Variants in SOD2 observed in about 807,000 individuals in gnomAD.
SOD2 encodes the protein superoxide dismutase [Mn], mitochondrial.
SOD2 carries 11 observed loss-of-function variants against 27.0 expected under a neutral mutation model. The observed-to-expected ratio is 0.41, with a 90% CI of 0.26 to 0.67. The LOEUF is 0.67. Among genes scored for constraint, SOD2 ranks in the 30% least tolerant of loss-of-function variants. The probability of loss-of-function intolerance (pLI) is 0.34; values close to 1 mark genes in which losing one functional copy is unlikely to be tolerated. For synonymous variants in SOD2, 105 were observed against 103.0 expected (o/e 1.02, Z -0.12); for missense variants, 250 against 274.5 (o/e 0.91, Z 0.63).
rs544116161 is a variant in SOD2 at position 159,738,880 on chromosome 6, A to G, written c.-116+6250T>C. On this transcript the variant is annotated intron_variant, in intron 1 of 3. Transcript: ENST00000537657. Reference sequence around the variant, plus strand: ...AAATACTTTTTCAAAAAATCATAATATGTACTGAGCCGTTTAAATCTCACA... The same window carrying G: ...AAATACTTTTTCAAAAAATCATAATGTGTACTGAGCCGTTTAAATCTCACA... 3.1e-4 allele frequency: 222 copies of G among 705,452 alleles called. No individual in the cohort carries two copies. In the African/African-American group the frequency reaches 3.4e-3, roughly 11 times the overall value. 43.7% of individuals were successfully genotyped at this position (705,452 alleles called of 1,614,324 possible). A position where few individuals can be genotyped will look rare whatever the true frequency, so the allele number is the denominator to read the frequency against.
rs1432248221 is a variant in SOD2, at chr6:159,669,179, A to C, written c.*13314T>G. ...TAAAAGGCGTTCTGTCGGAATTATC[A>C]TGCACTGTGGTGGAAAGAACACTAA... is the stretch of plus-strand genomic sequence containing the variant. On this transcript the variant is annotated 3_prime_UTR_variant, in exon 5 of 5. Transcript: ENST00000538183. The C allele has an allele frequency of 1.3e-5, 2 of 152,204 alleles. No homozygotes were observed. Among genetic ancestry groups the C allele is most frequent in the Non-Finnish European group, 2.9e-5 (2 of 68,032 alleles). 9.4% of individuals were successfully genotyped at this position (152,204 alleles called of 1,614,324 possible). A position where few individuals can be genotyped will look rare whatever the true frequency, so the allele number is the denominator to read the frequency against.
chr6:159,743,515 G>A, intron 1 of SOD2: 1 of 669,602 alleles, frequency 1.5e-6, no homozygotes, highest in African/African-American at 1.8e-5. Context: ...GAGCTCTCGT[G>A]ACCAGGAAGA....
At chr6:159,746,064 T>C (rs1448057037), upstream of SOD2, among the ~76,000 whole-genome samples, 1 of 152,142 alleles carries the variant, frequency 6.6e-6, no homozygotes, top group Admixed American at 6.5e-5. Context: ...CAGCATTCCC[T>C]CCTCCTTCCC....
intron 1 of SOD2, among the ~76,000 whole-genome samples, chr6:159,715,361 T>C (rs1206724450): frequency 6.6e-6 from 1 of 152,114 alleles, no homozygotes; most frequent in Non-Finnish European, 1.5e-5. Context: ...GTAGAACCAT[T>C]GCTTAAGGCC....
At chr6:159,684,430 A>G (rs1780092282) in intron 4 of SOD2, among the ~76,000 whole-genome samples, 1 of 151,860 alleles carries the variant, frequency 6.6e-6, no homozygotes, top group Non-Finnish European at 1.5e-5. Flanking sequence ...CAGCCTGGCC[A>G]ACATGGTGAA....
At chr6:159,736,327 T>G in intron 1 of SOD2, 2 of 1,576,556 alleles carry the variant, frequency 1.3e-6, no homozygotes, top group Middle Eastern at 1.7e-4. Context: ...TTTTTTGTTT[T>G]GTTTTGGGTT....
intron 1 of SOD2, among the ~76,000 whole-genome samples, chr6:159,714,975 G>A (rs948347187): frequency 2.0e-5 from 3 of 151,956 alleles, no homozygotes; most frequent in African/African-American, 7.3e-5. Flanking sequence ...GTCAGTCCTT[G>A]GGTCCTGAAG....
At chr6:159,755,446 C>T in intron 1 of SOD2, 1 of 1,613,982 alleles carries the variant, frequency 6.2e-7, no homozygotes, top group Non-Finnish European at 8.5e-7. Flanking sequence ...TAGACTCTCC[C>T]ACGGGCAGTG....
intron 2 of SOD2, chr6:159,691,652 T>C (rs1412427168): frequency 1.3e-5 from 2 of 151,994 alleles, no homozygotes; most frequent in Middle Eastern, 3.4e-3. Flanking sequence ...AAACATAACA[T>C]TCCCATACAC....
At chr6:159,725,106 G>A (rs1778125150) in intron 1 of SOD2, among the ~76,000 whole-genome samples, 1 of 152,120 alleles carries the variant, frequency 6.6e-6, no homozygotes, top group Admixed American at 6.5e-5. Flanking sequence ...GCTCGCAGAA[G>A]GTCCTAAATC....
At chr6:159,705,885 C>G (rs2114813471) in intron 1 of SOD2, among the ~76,000 whole-genome samples, 1 of 152,300 alleles carries the variant, frequency 6.6e-6, no homozygotes, top group East Asian at 1.9e-4. Context: ...GGGTTACCCA[C>G]AAAGGGAAGC....
chr6:159,750,175 C>A, upstream of SOD2, among the ~76,000 whole-genome samples: 1 of 152,152 alleles, frequency 6.6e-6, no homozygotes, highest in Non-Finnish European at 1.5e-5. Flanking sequence ...AGCTTATGTG[C>A]TTGCATTAAG....
intron 1 of SOD2, among the ~76,000 whole-genome samples, chr6:159,758,692 T>TAGC (rs1780064194): frequency 1.3e-5 from 2 of 152,322 alleles, no homozygotes; most frequent in South Asian, 4.1e-4. Context: ...AGTGTTGAGC[T>TAGC]AGCCCCTAGT....
intron 1 of SOD2, chr6:159,727,069 T>C: frequency 2.5e-6 from 3 of 1,213,434 alleles, no homozygotes; most frequent in Non-Finnish European, 3.2e-6. Flanking sequence ...CTTCCCGTGA[T>C]GCCCTGGGGC....
rs540106792 is a variant in SOD2 at position 159,724,588 on chromosome 6, G to A, written c.-116+2541C>T. 2.4e-4 allele frequency among the ~76,000 whole-genome samples: 37 copies of A among 152,192 alleles called. No individual in the cohort carries two copies. The South Asian group carries it at 7.5e-3, about 31-fold the overall frequency. On this transcript the variant is annotated intron_variant, in intron 1 of 2. Coordinates refer to the SOD2 transcript ENST00000401980. ...TGAAAAATACAGTGGGGCGAGGGAC[G>A]GTGGCTCACACCTATAATCCCAGCA...
chr6:159,749,258 C>A, upstream of SOD2: 1 of 985,772 alleles, frequency 1.0e-6, no homozygotes, highest in South Asian at 4.7e-5. Context: ...ATGAGACTCA[C>A]TGCATTATTT....
intron 1 of SOD2, chr6:159,712,961 T>G (rs1054566280): frequency 4.9e-6 from 3 of 608,060 alleles, no homozygotes; most frequent in Admixed American, 5.3e-5. Context: ...AGCTTTGTCT[T>G]TTGCCATAGC....
chr6:159,693,802 T>C (rs976411842), upstream of SOD2, among the ~76,000 whole-genome samples: 2 of 152,218 alleles, frequency 1.3e-5, no homozygotes, highest in African/African-American at 4.8e-5. Context: ...GCCAGCGCCC[T>C]TCCAACCCGT....
intron 1 of SOD2, among the ~76,000 whole-genome samples, chr6:159,712,236 T>C (rs62636147): frequency 0.014 from 784 of 56,788 alleles, 63 homozygotes; most frequent in Middle Eastern, 0.041. Flanking sequence ...ACCACTCACA[T>C]TGCTCTGATC....
Sources: allele counts gnomAD v4.1 joint callset (sites outside exome capture counted in the v4.1 genomes callset), GRCh38; gene constraint gnomAD v4.1.1; transcripts MANE v1.5; gene names NCBI Gene and HGNC (gene_info 2026-07-23, HGNC 2026-07-21).